CAST: variants seen among roughly 807,000 people sequenced by gnomAD.
CAST encodes the protein MIR583 host.
CAST carries 76 observed loss-of-function variants against 119.6 expected under a neutral mutation model. The ratio of observed to expected loss-of-function variants is 0.64; its 90% confidence interval spans 0.53 to 0.77. CAST has a LOEUF of 0.77. Among genes scored for constraint, CAST ranks in the 30% least tolerant of loss-of-function variants. CAST has a pLI of 0.00. For synonymous variants in CAST, 319 were observed against 331.6 expected (o/e 0.96, Z 0.41); for missense variants, 953 against 946.5 (o/e 1.01, Z -0.09).
chr5:96,390,012 CTCT>C, the CAST span, among the ~76,000 whole-genome samples: 1 of 152,102 alleles, frequency 6.6e-6, no homozygotes, highest in Non-Finnish European at 1.5e-5. Context: ...AGCTGCTTTA[CTCT>C]AGCCTGTAAA....
chr5:96,148,762 T>A, the CAST span, among the ~76,000 whole-genome samples: 1 of 152,262 alleles, frequency 6.6e-6, no homozygotes, highest in Middle Eastern at 3.2e-3. Flanking sequence ...ATCTGATCCC[T>A]ACCTGAGCTA....
the CAST span, among the ~76,000 whole-genome samples, chr5:96,072,202 G>T: frequency 1.4e-5 from 2 of 138,258 alleles, no homozygotes; most frequent in East Asian, 4.2e-4. Context: ...GAGGAAAGAA[G>T]CCTTGGTAGT....
the CAST span, among the ~76,000 whole-genome samples, chr5:96,409,810 G>A: frequency 1.3e-5 from 2 of 152,298 alleles, no homozygotes; most frequent in Admixed American, 6.5e-5. Flanking sequence ...GAAGAGATGC[G>A]CGTGAGAAGC....
the CAST span, among the ~76,000 whole-genome samples, chr5:95,990,270 T>C: frequency 6.6e-6 from 1 of 152,092 alleles, no homozygotes; most frequent in African/African-American, 2.4e-5. Flanking sequence ...TTTTAGAGAA[T>C]TGCCAACTTG....
intron 1 of CAST, among the ~76,000 whole-genome samples, chr5:96,585,238 C>T (rs1484530736): frequency 6.6e-6 from 1 of 152,076 alleles, no homozygotes; most frequent in Non-Finnish European, 1.5e-5. Flanking sequence ...TTCTTCAGCC[C>T]TTCTCCATTC....
chr5:96,692,603 C>T (rs1752856504), intron 2 of CAST, among the ~76,000 whole-genome samples: 1 of 152,170 alleles, frequency 6.6e-6, no homozygotes, highest in Non-Finnish European at 1.5e-5. Context: ...GCCCTGTCTA[C>T]CTAGAATGCC....
At chr5:96,345,135 G>A in the CAST span, among the ~76,000 whole-genome samples, 3 of 152,078 alleles carry the variant, frequency 2.0e-5, no homozygotes, top group African/African-American at 7.2e-5. Context: ...TATTGTCATG[G>A]GAGATGATAT....
At chr5:96,115,483 A>G in the CAST span, among the ~76,000 whole-genome samples, 1 of 152,136 alleles carries the variant, frequency 6.6e-6, no homozygotes, top group Non-Finnish European at 1.5e-5. Context: ...TGTTACCTCC[A>G]TTTTATAGAT....
the CAST span, among the ~76,000 whole-genome samples, chr5:96,011,615 A>G: frequency 3.3e-5 from 5 of 152,136 alleles, no homozygotes; most frequent in Admixed American, 6.6e-5. Context: ...CACACTGTCT[A>G]TTGTAAGTCT....
At chr5:96,266,640 A>G in the CAST span, among the ~76,000 whole-genome samples, 1 of 152,348 alleles carries the variant, frequency 6.6e-6, no homozygotes, top group East Asian at 1.9e-4. Flanking sequence ...ACCTAAAGAA[A>G]AAAAGAGAAA....
At chr5:96,180,440 C>T in the CAST span, among the ~76,000 whole-genome samples, 1 of 152,150 alleles carries the variant, frequency 6.6e-6, no homozygotes, top group African/African-American at 2.4e-5. Context: ...AGAGCCTCCT[C>T]GTGAGGTACT....
At chr5:96,093,824 G>C in the CAST span, among the ~76,000 whole-genome samples, 5 of 152,334 alleles carry the variant, frequency 3.3e-5, no homozygotes, top group African/African-American at 1.2e-4. Flanking sequence ...TAATTGTTTA[G>C]ATTTGGTAGA....
At chr5:96,682,466 G>A (rs757424814) in intron 2 of CAST, among the ~76,000 whole-genome samples, 3 of 151,942 alleles carry the variant, frequency 2.0e-5, no homozygotes, top group Non-Finnish European at 4.4e-5. Flanking sequence ...TTTCATGAAG[G>A]TAATACCATC....
the CAST span, among the ~76,000 whole-genome samples, chr5:96,415,537 G>A: frequency 1.3e-5 from 2 of 152,104 alleles, no homozygotes; most frequent in Admixed American, 6.6e-5. Context: ...TCCCCATAAG[G>A]ACACTGATGA....
chr5:96,756,307 T>A (rs1561591191), intron 22 of CAST, among the ~76,000 whole-genome samples: 1 of 152,032 alleles, frequency 6.6e-6, no homozygotes, highest in Non-Finnish European at 1.5e-5. Flanking sequence ...ACTTAGGAAA[T>A]TTTCTGCCTT....
At chr5:96,468,486 C>T in the CAST span, among the ~76,000 whole-genome samples, 5 of 152,156 alleles carry the variant, frequency 3.3e-5, no homozygotes, top group East Asian at 1.9e-4. Context: ...GCCCAAGAAG[C>T]GTTAGCCTTA....
At chr5:96,590,492 T>G (rs1281995821) in intron 1 of CAST, among the ~76,000 whole-genome samples, 1 of 152,226 alleles carries the variant, frequency 6.6e-6, no homozygotes, top group African/African-American at 2.4e-5. Context: ...GAGCATCTCC[T>G]GCCACCTGCA....
the CAST span, among the ~76,000 whole-genome samples, chr5:95,977,461 A>G: frequency 6.6e-6 from 1 of 152,208 alleles, no homozygotes; most frequent in Non-Finnish European, 1.5e-5. Context: ...GGAAATTCAC[A>G]CTGTGCTTAT....
At chr5:96,033,838 G>C in the CAST span, among the ~76,000 whole-genome samples, 1 of 152,004 alleles carries the variant, frequency 6.6e-6, no homozygotes, top group Non-Finnish European at 1.5e-5. Flanking sequence ...ATGTGGCAAA[G>C]GAAACAAACA....
Sources: gnomAD v4.1 joint callset for allele counts (sites outside exome capture counted in the v4.1 genomes callset) on GRCh38, gnomAD v4.1.1 for gene constraint, MANE v1.5 for transcripts, NCBI Gene and HGNC (gene_info 2026-07-23, HGNC 2026-07-21) for gene names.